ASTN1: variants seen among roughly 807,000 people sequenced by gnomAD.
ASTN1 encodes astrotactin 1.
ASTN1 carries 41 observed loss-of-function variants against 140.7 expected under a neutral mutation model. The observed-to-expected ratio is 0.29, with a 90% CI of 0.23 to 0.38. ASTN1 has a LOEUF of 0.38. ASTN1 is among the 10% of genes least tolerant of loss of function. The pLI, the probability that ASTN1 is intolerant of heterozygous loss-of-function variation, is 1.00. For synonymous variants in ASTN1, 640 were observed against 652.2 expected, an observed-to-expected ratio of 0.98 and a Z score of 0.29; for missense variants, 1,479 against 1,678.8, an observed-to-expected ratio of 0.88 and a Z score of 2.08.
At chr1:177,122,123 C>G (rs188466576) in intron 1 of ASTN1, among the ~76,000 whole-genome samples, 5 of 152,230 alleles carry the variant, frequency 3.3e-5, no homozygotes, top group African/African-American at 1.2e-4. Context: ...CCTGCCAAAT[C>G]CCATTCTCCT....
At chr1:176,858,039 T>C (rs2103002252), downstream of ASTN1, among the ~76,000 whole-genome samples, 1 of 152,222 alleles carries the variant, frequency 6.6e-6, no homozygotes, top group South Asian at 2.1e-4. Context: ...GCTAAAGTTC[T>C]CCCACTGAGA....
At chr1:176,867,931 C>CTTCCTTCCTTGTTTGCTTCCTTCT in intron 22 of ASTN1, among the ~76,000 whole-genome samples, 1 of 151,624 alleles carries the variant, frequency 6.6e-6, no homozygotes, top group South Asian at 2.1e-4. Flanking sequence ...TCCTTCCTTC[C>CTTCCTTCCTTGTTTGCTTCCTTCT]TTCCTTCCTT....
chr1:177,108,210 G>T (rs1310827985), intron 1 of ASTN1, among the ~76,000 whole-genome samples: 2 of 151,782 alleles, frequency 1.3e-5, no homozygotes, highest in African/African-American at 4.8e-5. Flanking sequence ...TTAGCTGGGC[G>T]TGGTGGTGCA....
At chr1:176,868,349 A>G (rs1007408675) in intron 22 of ASTN1, among the ~76,000 whole-genome samples, 1 of 152,054 alleles carries the variant, frequency 6.6e-6, no homozygotes, top group African/African-American at 2.4e-5. Flanking sequence ...ACACTATGCG[A>G]CCCTAGCTCC....
At chr1:176,949,048 TC>T in intron 12 of ASTN1, 136 bp downstream of exon 12, 1 of 1,254,862 alleles carries the variant, frequency 8.0e-7, no homozygotes, top group South Asian at 1.5e-5. Context: ...CCCCCCCAAG[TC>T]CTAGAGGCTC....
At chr1:177,149,822 T>C (rs1443467795) in intron 1 of ASTN1, among the ~76,000 whole-genome samples, 2 of 123,360 alleles carry the variant, frequency 1.6e-5, no homozygotes, top group Non-Finnish European at 3.3e-5. Flanking sequence ...ATATATACAG[T>C]GTATATACAT....
intron 1 of ASTN1, among the ~76,000 whole-genome samples, chr1:177,127,175 C>G (rs1681698057): frequency 6.6e-6 from 1 of 151,950 alleles, no homozygotes; most frequent in South Asian, 2.1e-4. Flanking sequence ...CTTCAATTCT[C>G]TCATTTAAGC....
At chr1:177,057,601 T>C (rs1677873458) in intron 2 of ASTN1, among the ~76,000 whole-genome samples, 1 of 152,264 alleles carries the variant, frequency 6.6e-6, no homozygotes, top group African/African-American at 2.4e-5. Flanking sequence ...ATTATACATT[T>C]TCTTAACAGA....
At chr1:177,100,116 C>T (rs1235557288) in intron 1 of ASTN1, among the ~76,000 whole-genome samples, 1 of 152,074 alleles carries the variant, frequency 6.6e-6, no homozygotes, top group Non-Finnish European at 1.5e-5. Context: ...TGTTCCATCA[C>T]ACCACACTCT....
intron 1 of ASTN1, among the ~76,000 whole-genome samples, chr1:177,070,884 G>T (rs1438663973): frequency 6.6e-6 from 1 of 152,162 alleles, no homozygotes; most frequent in African/African-American, 2.4e-5. Context: ...CAAACAAAGT[G>T]CTTAGCAGTA....
intron 17 of ASTN1, among the ~76,000 whole-genome samples, chr1:176,888,967 G>A (rs1557937228): frequency 6.6e-6 from 1 of 152,190 alleles, no homozygotes. Context: ...AATAATGTAT[G>A]CATAGTACCT....
chr1:177,118,989 A>G (rs192953527), intron 1 of ASTN1, among the ~76,000 whole-genome samples: 2 of 152,138 alleles, frequency 1.3e-5, no homozygotes, highest in Non-Finnish European at 2.9e-5. Context: ...TTCTTCTTAC[A>G]TTTTCCACCT....
chr1:176,858,762 C>G (rs1320988018), downstream of ASTN1, among the ~76,000 whole-genome samples: 1 of 149,990 alleles, frequency 6.7e-6, no homozygotes, highest in African/African-American at 2.4e-5. Context: ...CAACCACACT[C>G]TCTCTTATTG....
At chr1:176,937,495 CT>C (rs1270553737) in intron 14 of ASTN1, among the ~76,000 whole-genome samples, 2 of 152,136 alleles carry the variant, frequency 1.3e-5, no homozygotes, top group African/African-American at 4.8e-5. Flanking sequence ...ATGGGCTATT[CT>C]TCCTTGAGTA....
chr1:176,894,925 G>C, intron 16 of ASTN1, 95 bp from the exon 17 acceptor site: 1 of 1,528,440 alleles, frequency 6.5e-7, no homozygotes. Flanking sequence ...CCAATCTTTG[G>C]GATCAGAAAC....
Position 176,943,986 on chromosome 1 carries a change from T to A in ASTN1, c.2282A>T (p.Gln761Leu), listed in dbSNP as rs1557979045. The A allele has an allele frequency of 6.2e-7, 1 of 1,614,146 alleles. No individual in the cohort carries two copies. Among genetic ancestry groups the A allele is most frequent in the East Asian group, 2.2e-5 (1 of 44,882 alleles). Residue 761 changes from glutamine (Q) to leucine (L), a missense_variant, in exon 14 of 23, where the codon CAA becomes CTA. Around this residue, in one of 3 missense-constraint regions of ASTN1, gnomAD observed 746 missense variants for 800.9 expected, o/e 0.93. Coordinates refer to ENST00000361833, the MANE Select transcript of ASTN1 (RefSeq NM_004319.3). Reference protein sequence around the residue: ...QNNFARGLDQQLPDGLVVATV... With the variant: ...QNNFARGLDQLLPDGLVVATV... ...GGCCACCACAAGACCATCTGGCAGT[T>A]GCTGGTCTAAACCACGAGCAAAGTT...
At chr1:176,873,385 C>T (rs1668429745) in intron 21 of ASTN1, among the ~76,000 whole-genome samples, 3 of 152,186 alleles carry the variant, frequency 2.0e-5, no homozygotes, top group Admixed American at 2.0e-4. Context: ...TCGGTAGAAA[C>T]TTATTTCCAC....
intron 16 of ASTN1, among the ~76,000 whole-genome samples, chr1:176,926,866 A>G (rs1670991664): frequency 2.0e-5 from 3 of 152,226 alleles, no homozygotes. Context: ...TCAGCCTGAA[A>G]TACACAAGGA....
intron 8 of ASTN1, among the ~76,000 whole-genome samples, chr1:176,966,825 T>C (rs1672911814): frequency 6.6e-6 from 1 of 152,040 alleles, no homozygotes; most frequent in African/African-American, 2.4e-5. Context: ...GATATAATTA[T>C]TAAATATTAA....
Sources: gnomAD v4.1 joint callset for allele counts (sites outside exome capture counted in the v4.1 genomes callset) on GRCh38, gnomAD v4.1.1 for gene constraint, gnomAD v4.1.1 regional missense constraint, MANE v1.5 for transcripts, NCBI Gene and HGNC (gene_info 2026-07-23, HGNC 2026-07-21) for gene names.